The following EBF2 variants were observed in gnomAD, a reference collection of about 807,000 sequenced individuals.
EBF2 encodes transcription factor COE2.
EBF2 carries 21 observed loss-of-function variants against 72.8 expected under a neutral mutation model. The observed-to-expected ratio is 0.29, with a 90% CI of 0.20 to 0.42. The LOEUF is 0.42. Among genes scored for constraint, EBF2 ranks in the 10% least tolerant of loss-of-function variants. The pLI is 1.00. For synonymous variants in EBF2, 299 were observed against 274.2 expected (o/e 1.09, Z -0.89); for missense variants, 637 against 731.2 (o/e 0.87, Z 1.49).
At chr8:25,853,183 G>C (rs899490086) in intron 14 of EBF2, among the ~76,000 whole-genome samples, 7 of 152,152 alleles carry the variant, frequency 4.6e-5, no homozygotes, top group Non-Finnish European at 1.0e-4. Flanking sequence ...AGTGCTAGTA[G>C]AGCTGTTAGG....
In EBF2 at chr8:25,956,861, G is replaced by A. The variant is rs1563412849; in HGVS notation, c.552-48306C>T. 2.0e-5 allele frequency among the ~76,000 whole-genome samples: 3 copies of A among 152,274 alleles called. 1 individual carries two copies. In the South Asian group the frequency reaches 6.2e-4, roughly 32 times the overall value. On this transcript the variant is annotated intron_variant, in intron 6 of 15. Coordinates refer to ENST00000520164, the MANE Select transcript of EBF2 (RefSeq NM_022659.4). ...AGATGACACACAATCAGAACTGAAG[G>A]TAATCCAGACTATTATATCAACAGC...
At position 26,044,682 on chromosome 8, in the gene EBF2, C is replaced by A. The variant is rs774057336; in HGVS notation, c.131+47G>T. 2.5e-6 allele frequency: 4 copies of A among 1,600,216 alleles called. No homozygotes were observed. The highest frequency in any genetic ancestry group is 2.2e-5 in the South Asian group (2 of 89,834). On this transcript the variant is annotated intron_variant, in intron 1 of 15. Coordinates refer to ENST00000520164, the MANE Select transcript of EBF2 (RefSeq NM_022659.4). This position sits in a 1 kb window ranked among gnomAD's most constrained non-coding sequence, Gnocchi z 4.1. ...GGGGGGGTGCACACGGAGAGACAGA[C>A]CGTAAGAGCGAGAGACAGCATAATA...
chr8:26,042,941 G>T (rs1585239405), intron 1 of EBF2, among the ~76,000 whole-genome samples: 1 of 152,262 alleles, frequency 6.6e-6, no homozygotes, highest in East Asian at 1.9e-4. Context: ...GGGATCGCTG[G>T]CCACCACAAA....
intron 7 of EBF2, among the ~76,000 whole-genome samples, chr8:25,896,449 TA>T: frequency 6.6e-6 from 1 of 152,142 alleles, no homozygotes; most frequent in East Asian, 1.9e-4. Flanking sequence ...CTCAGCTAAA[TA>T]AAATGGTCTC....
chr8:26,024,959 A>G (rs1402271960), intron 6 of EBF2, among the ~76,000 whole-genome samples: 1 of 152,228 alleles, frequency 6.6e-6, no homozygotes, highest in Non-Finnish European at 1.5e-5. Flanking sequence ...CGAAATAGGT[A>G]AAATAAATAA....
At chr8:25,885,377 C>G (rs76150448) in intron 10 of EBF2, among the ~76,000 whole-genome samples, 2,641 of 152,320 alleles carry the variant, frequency 0.017, 84 homozygotes, top group African/African-American at 0.061. Flanking sequence ...AACTGAATCT[C>G]TGGACCCATT....
intron 15 of EBF2, among the ~76,000 whole-genome samples, chr8:25,847,795 A>G (rs1801868835): frequency 6.6e-6 from 1 of 151,994 alleles, no homozygotes. Flanking sequence ...GTCACTTGAT[A>G]TTTTCATAGA....
At chr8:25,880,096 T>A (rs1358208655) in intron 10 of EBF2, among the ~76,000 whole-genome samples, 1 of 152,228 alleles carries the variant, frequency 6.6e-6, no homozygotes, top group Non-Finnish European at 1.5e-5. Context: ...TTTTCCACAA[T>A]GTATAACATA....
chr8:25,985,827 C>T (rs1394377871), intron 6 of EBF2, among the ~76,000 whole-genome samples: 3 of 151,240 alleles, frequency 2.0e-5, no homozygotes, highest in African/African-American at 7.3e-5. Context: ...CAGAGAGACC[C>T]CCCATCTCTA....
At chr8:26,041,966 G>A (rs905586385) in intron 2 of EBF2, 129 bp downstream of exon 2, 1 of 1,355,182 alleles carries the variant, frequency 7.4e-7, no homozygotes, top group Non-Finnish European at 1.0e-6. Context: ...GGCTGGGGGT[G>A]AGTAGCCTCG....
At chr8:25,969,586 T>C (rs1426202212) in intron 6 of EBF2, among the ~76,000 whole-genome samples, 1 of 152,152 alleles carries the variant, frequency 6.6e-6, no homozygotes, top group African/African-American at 2.4e-5. Flanking sequence ...GTGTGTTCAA[T>C]GAGAGCGTGT....
At chr8:25,894,448 C>G (rs1282823874) in intron 7 of EBF2, among the ~76,000 whole-genome samples, 2 of 152,172 alleles carry the variant, frequency 1.3e-5, no homozygotes, top group Non-Finnish European at 1.5e-5. Flanking sequence ...AAGCCAACTT[C>G]TTTCCCCTAG....
chr8:25,931,574 T>C (rs922214640), intron 6 of EBF2, among the ~76,000 whole-genome samples: 11 of 152,222 alleles, frequency 7.2e-5, no homozygotes, highest in Admixed American at 3.3e-4. Context: ...CTAGCTAATA[T>C]TACCATCAAT....
chr8:26,043,473 T>G (rs1364102102), intron 1 of EBF2, among the ~76,000 whole-genome samples: 2 of 152,242 alleles, frequency 1.3e-5, no homozygotes, highest in Admixed American at 6.5e-5. Context: ...GGCTCTGCGG[T>G]GCTGCCTTAT....
intron 6 of EBF2, among the ~76,000 whole-genome samples, chr8:25,944,530 G>A (rs1803732356): frequency 6.6e-6 from 1 of 150,424 alleles, no homozygotes; most frequent in Non-Finnish European, 1.5e-5. Context: ...AAATTGTATA[G>A]TCTATAATAT....
intron 6 of EBF2, among the ~76,000 whole-genome samples, chr8:26,002,330 G>A (rs1411455611): frequency 6.6e-6 from 1 of 152,134 alleles, no homozygotes; most frequent in Non-Finnish European, 1.5e-5. Context: ...GGGTGTAAGG[G>A]AAAAAATTAT....
chr8:25,887,772 T>G lies in EBF2; in HGVS notation c.882+70A>C, dbSNP rs375817512. 6.5e-5 allele frequency: 94 copies of G among 1,447,798 alleles called. 3 individuals carry two copies. The East Asian group carries it at 8.6e-4, about 13-fold the overall frequency. The allele number at this position is 1,447,798 out of a possible 1,614,324, so 89.7% of individuals were successfully genotyped here. ...TATGCTTTTTTACCCTTGGTGTTTGTGCTAGTTTCCCAGATCAAAACAATC... is the reference window on the plus strand; with the variant it reads ...TATGCTTTTTTACCCTTGGTGTTTGGGCTAGTTTCCCAGATCAAAACAATC... On this transcript the variant is annotated intron_variant, in intron 9 of 15. Transcript: ENST00000520164.
intron 10 of EBF2, among the ~76,000 whole-genome samples, chr8:25,867,917 T>C (rs2117270027): frequency 6.6e-6 from 1 of 152,338 alleles, no homozygotes; most frequent in Admixed American, 6.5e-5. Flanking sequence ...TCATCAAGAT[T>C]GTTAATGTTT....
intron 6 of EBF2, among the ~76,000 whole-genome samples, chr8:26,001,385 T>C (rs1017082015): frequency 6.6e-6 from 1 of 152,226 alleles, no homozygotes; most frequent in African/African-American, 2.4e-5. Context: ...AAGAGATCTA[T>C]GAAGACATCT....
Sources: gnomAD v4.1 joint callset for allele counts (sites outside exome capture counted in the v4.1 genomes callset) on GRCh38, gnomAD v4.1.1 for gene constraint, Gnocchi (gnomAD v3.1) non-coding constraint, MANE v1.5 for transcripts, NCBI Gene and HGNC (gene_info 2026-07-23, HGNC 2026-07-21) for gene names.